The following CHRM2 variants were observed in gnomAD, a reference collection of about 807,000 sequenced individuals.
CHRM2 encodes muscarinic acetylcholine receptor M2.
In CHRM2, 8 loss-of-function variants were observed where a neutral mutation model predicts 25.0. The observed-to-expected ratio is 0.32, with a 90% confidence interval of 0.19 to 0.58. CHRM2 has a LOEUF of 0.58. CHRM2 is among the 20% of genes least tolerant of loss of function. CHRM2 has a pLI of 0.88. For missense variants in CHRM2, 440 were observed against 567.1 expected, an observed-to-expected ratio of 0.78 and a Z score of 2.28; for synonymous variants, 202 against 205.7, an observed-to-expected ratio of 0.98 and a Z score of 0.15.
In CHRM2 at chr7:136,911,548, G is replaced by T. The variant is rs1047457283; in HGVS notation, c.-125+42130G>T. Among the ~76,000 whole-genome samples the T allele has an allele frequency of 2.0e-5, 3 of 151,874 alleles. No individual in the cohort carries two copies. The South Asian group carries it at 6.2e-4, about 31-fold the overall frequency. On this transcript the variant is annotated intron_variant, in intron 2 of 3. Coordinates refer to ENST00000680005, the MANE Select transcript of CHRM2 (RefSeq NM_001006630.2). ...CTGACTAATGTATTTGGAACCTTGG[G>T]CTGTATCTTCACGTACATACTGGGT...
At chr7:136,978,609 A>T (rs1584865965) in intron 2 of CHRM2, among the ~76,000 whole-genome samples, 1 of 150,728 alleles carries the variant, frequency 6.6e-6, no homozygotes, top group East Asian at 1.9e-4. Context: ...CTTGACCCAC[A>T]CCCCCCGACA....
chr7:136,956,833 T>TA (rs1005997145), intron 2 of CHRM2, among the ~76,000 whole-genome samples: 2 of 150,962 alleles, frequency 1.3e-5, no homozygotes, highest in African/African-American at 4.9e-5. Flanking sequence ...GAAGGTTTTT[T>TA]TTTTCCTCTC....
chr7:136,890,135 G>A (rs1796635416), intron 2 of CHRM2, among the ~76,000 whole-genome samples: 2 of 152,272 alleles, frequency 1.3e-5, no homozygotes, highest in South Asian at 2.1e-4. Flanking sequence ...TCAAAACTGA[G>A]ACAATACATT....
chr7:136,892,025 G>A (rs1011852994), intron 2 of CHRM2, among the ~76,000 whole-genome samples: 36 of 152,098 alleles, frequency 2.4e-4, no homozygotes, highest in Admixed American at 6.6e-5. Flanking sequence ...TTACCCCTGG[G>A]GCCTAGAATA....
At chr7:136,929,958 T>C (rs1393621027) in intron 2 of CHRM2, among the ~76,000 whole-genome samples, 4 of 151,958 alleles carry the variant, frequency 2.6e-5, no homozygotes, top group Non-Finnish European at 5.9e-5. Flanking sequence ...TGAAATGAAA[T>C]GATTAATATC....
intron 2 of CHRM2, among the ~76,000 whole-genome samples, chr7:136,879,156 A>G (rs1028189510): frequency 2.6e-5 from 4 of 151,970 alleles, no homozygotes; most frequent in African/African-American, 9.7e-5. Context: ...AAAAAGTCTC[A>G]GCAAGGCTTT....
intron 2 of CHRM2, among the ~76,000 whole-genome samples, chr7:136,956,480 G>GA (rs1369727452): frequency 6.6e-6 from 1 of 152,108 alleles, no homozygotes; most frequent in Non-Finnish European, 1.5e-5. Context: ...AGCCTGGATT[G>GA]AAAATAGACC....
intron 2 of CHRM2, among the ~76,000 whole-genome samples, chr7:136,908,503 G>C (rs772084259): frequency 4.0e-5 from 6 of 151,872 alleles, no homozygotes; most frequent in Non-Finnish European, 8.8e-5. Context: ...GTGAAGATTT[G>C]ATCAGCCTAT....
chr7:136,882,257 C>T (rs769919963), intron 2 of CHRM2, among the ~76,000 whole-genome samples: 7 of 152,048 alleles, frequency 4.6e-5, no homozygotes, highest in Non-Finnish European at 7.4e-5. Context: ...TTTTCTTACA[C>T]TCATACGTTA....
intron 2 of CHRM2, among the ~76,000 whole-genome samples, chr7:136,915,107 G>A (rs559721904): frequency 6.6e-6 from 1 of 151,966 alleles, no homozygotes; most frequent in African/African-American, 2.4e-5. Flanking sequence ...CTACTGTAAT[G>A]CTGACATCAT....
chr7:136,912,547 G>A (rs1355925385), intron 2 of CHRM2, among the ~76,000 whole-genome samples: 1 of 151,650 alleles, frequency 6.6e-6, no homozygotes, highest in Non-Finnish European at 1.5e-5. Context: ...TATTTGGTGG[G>A]AACAAGTCGT....
chr7:136,917,785 T>C (rs1798204025), intron 2 of CHRM2, among the ~76,000 whole-genome samples: 1 of 152,080 alleles, frequency 6.6e-6, no homozygotes, highest in African/African-American at 2.4e-5. Flanking sequence ...TCTCTCTTCA[T>C]AACTGATTGG....
chr7:136,942,242 C>T (rs1247457883), intron 2 of CHRM2, among the ~76,000 whole-genome samples: 10 of 152,058 alleles, frequency 6.6e-5, no homozygotes, highest in Admixed American at 6.6e-4. Flanking sequence ...TGAAGGTCCC[C>T]AACATTTGCA....
chr7:136,945,241 C>T (rs998045048), intron 2 of CHRM2, among the ~76,000 whole-genome samples: 1 of 152,110 alleles, frequency 6.6e-6, no homozygotes, highest in African/African-American at 2.4e-5. Context: ...TAATTAAGTC[C>T]AATCTATATA....
chr7:136,980,434 T>C (rs113949044), intron 2 of CHRM2, among the ~76,000 whole-genome samples: 1,576 of 152,312 alleles, frequency 0.01, 30 homozygotes, highest in African/African-American at 0.036. Context: ...ATATCCTTTA[T>C]TTATTTCTCT....
chr7:137,011,622 A>G (rs1804834332), intron 3 of CHRM2, among the ~76,000 whole-genome samples: 1 of 151,980 alleles, frequency 6.6e-6, no homozygotes, highest in Non-Finnish European at 1.5e-5. Flanking sequence ...TTGCCTCTGG[A>G]AACACCCTCA....
chr7:136,927,535 G>T (rs988942220), intron 2 of CHRM2, among the ~76,000 whole-genome samples: 6 of 152,028 alleles, frequency 3.9e-5, no homozygotes, highest in African/African-American at 1.2e-4. Flanking sequence ...AAAAAGAAGA[G>T]AAATATTATT....
At chr7:136,949,657 A>G (rs768022613) in intron 2 of CHRM2, among the ~76,000 whole-genome samples, 1 of 152,024 alleles carries the variant, frequency 6.6e-6, no homozygotes, top group South Asian at 2.1e-4. Context: ...CTCTGGAGGT[A>G]TACTTGCTCT....
intron 2 of CHRM2, among the ~76,000 whole-genome samples, chr7:136,876,511 T>G (rs1468212061): frequency 6.6e-6 from 1 of 152,132 alleles, no homozygotes; most frequent in Non-Finnish European, 1.5e-5. Flanking sequence ...TATTGCATAG[T>G]GTGCAACCGC....
Sources: gnomAD v4.1 joint callset for allele counts (sites outside exome capture counted in the v4.1 genomes callset) on GRCh38, gnomAD v4.1.1 for gene constraint, MANE v1.5 for transcripts, NCBI Gene and HGNC (gene_info 2026-07-23, HGNC 2026-07-21) for gene names.